MYO1E: variants seen among roughly 807,000 people sequenced by gnomAD.
MYO1E encodes the protein unconventional myosin-Ie.
A neutral mutation model predicts 151.1 loss-of-function variants in MYO1E; 68 were observed. The observed-to-expected ratio is 0.45, with a 90% CI of 0.37 to 0.55. MYO1E has a LOEUF of 0.55. Ranked by LOEUF, MYO1E falls within the 20% of genes least tolerant of loss-of-function variation. The pLI is 0.00. For missense variants in MYO1E, 1,363 were observed against 1,389.3 expected (o/e 0.98, Z 0.30); for synonymous variants, 601 against 501.7 (o/e 1.20, Z -2.64).
At chr15:59,343,523 C>G (rs2080777237) in intron 1 of MYO1E, among the ~76,000 whole-genome samples, 1 of 152,016 alleles carries the variant, frequency 6.6e-6, no homozygotes, top group African/African-American at 2.4e-5. Flanking sequence ...TGTTCTATAA[C>G]CTTCTTGTAC....
In MYO1E at chr15:59,356,083, G is replaced by A. The variant is rs535734346; in HGVS notation, c.3+16415C>T. Among the ~76,000 whole-genome samples the A allele has an allele frequency of 2.7e-4, 41 of 152,306 alleles. No homozygotes were observed. The South Asian group carries it at 8.3e-3, about 31-fold the overall frequency. Reference sequence around the variant, plus strand: ...ACTGGCAACATATACAACAGATTCTGTTTTCTAGGAGAACTACCTTTTGTT... The same window carrying A: ...ACTGGCAACATATACAACAGATTCTATTTTCTAGGAGAACTACCTTTTGTT... On this transcript the variant is annotated intron_variant, in intron 1 of 27. Coordinates refer to ENST00000288235, the MANE Select transcript of MYO1E (RefSeq NM_004998.4).
chr15:59,209,114 G>A (rs2140339193), intron 13 of MYO1E: 1 of 515,812 alleles, frequency 1.9e-6, no homozygotes, highest in East Asian at 3.4e-5. Flanking sequence ...ATCATTATCT[G>A]CTCACTCATA....
intron 1 of MYO1E, among the ~76,000 whole-genome samples, chr15:59,324,586 G>T (rs1409219792): frequency 6.6e-6 from 1 of 151,926 alleles, no homozygotes; most frequent in African/African-American, 2.4e-5. Flanking sequence ...AGCTCCTCAA[G>T]TTCAAGGTGA....
At chr15:59,298,360 G>T (rs2080463267) in intron 1 of MYO1E, among the ~76,000 whole-genome samples, 1 of 152,190 alleles carries the variant, frequency 6.6e-6, no homozygotes, top group South Asian at 2.1e-4. Flanking sequence ...TTCCAGAGAG[G>T]CTGAGGTTGC....
At chr15:59,372,321 T>C (rs2140448728) in intron 1 of MYO1E, among the ~76,000 whole-genome samples, 177 bp downstream of exon 1, 1 of 152,192 alleles carries the variant, frequency 6.6e-6, no homozygotes, top group Middle Eastern at 3.4e-3. Context: ...TCGCTCGCTC[T>C]CCCCCGGCCC....
At chr15:59,262,366 C>T (rs1470840647) in intron 2 of MYO1E, among the ~76,000 whole-genome samples, 1 of 152,086 alleles carries the variant, frequency 6.6e-6, no homozygotes, top group Non-Finnish European at 1.5e-5. Context: ...GTCTGTACTC[C>T]CAGCATGTTA....
At chr15:59,153,480 C>G (rs2079492859) in intron 26 of MYO1E, 110 bp downstream of exon 26, 1 of 1,273,860 alleles carries the variant, frequency 7.9e-7, no homozygotes, top group Non-Finnish European at 1.1e-6. Context: ...AGGTGGAAAA[C>G]TAAACCTTAG....
intron 1 of MYO1E, among the ~76,000 whole-genome samples, chr15:59,310,177 G>C (rs1017886): frequency 1 from 151,598 of 152,260 alleles, 75,472 homozygotes; most frequent in Middle Eastern, 1. Flanking sequence ...TAGCGCTCAC[G>C]AAGAACACAT....
chr15:59,331,889 T>C (rs867435490), intron 1 of MYO1E, among the ~76,000 whole-genome samples: 26 of 152,226 alleles, frequency 1.7e-4, no homozygotes, highest in African/African-American at 5.5e-4. Context: ...CATGCAGCTC[T>C]CTTTTATTAT....
intron 1 of MYO1E, among the ~76,000 whole-genome samples, chr15:59,283,095 G>T (rs1163129644): frequency 6.6e-6 from 1 of 150,626 alleles, no homozygotes; most frequent in Non-Finnish European, 1.5e-5. Context: ...AGGGAGACGG[G>T]CGGTCAGAGG....
At chr15:59,322,724 T>C (rs972544506) in intron 1 of MYO1E, among the ~76,000 whole-genome samples, 2 of 152,168 alleles carry the variant, frequency 1.3e-5, no homozygotes, top group South Asian at 2.1e-4. Context: ...AAAAAGCACA[T>C]TGGGAAAAAG....
chr15:59,231,144 T>A (rs2080025159), intron 6 of MYO1E, among the ~76,000 whole-genome samples: 2 of 152,162 alleles, frequency 1.3e-5, no homozygotes, highest in South Asian at 4.1e-4. Flanking sequence ...GTCCAGTCAC[T>A]TTGGGATGTC....
At chr15:59,215,440 A>G (rs1465460129) in intron 10 of MYO1E, among the ~76,000 whole-genome samples, 2 of 152,170 alleles carry the variant, frequency 1.3e-5, no homozygotes, top group Admixed American at 6.5e-5. Flanking sequence ...CTGGGACTAA[A>G]TTTAAGCAGT....
chr15:59,196,126 T>A lies in MYO1E; in HGVS notation c.1699-559A>T, dbSNP rs532996101. On this transcript the variant is annotated intron_variant, in intron 16 of 27. Coordinates refer to ENST00000288235, the MANE Select transcript of MYO1E (RefSeq NM_004998.4). Reference sequence around the variant, plus strand: ...AAAAATCTGAGAATTTATAAACTTTTGATATTCCATTTCATTCAGTTTCTT... The same window carrying A: ...AAAAATCTGAGAATTTATAAACTTTAGATATTCCATTTCATTCAGTTTCTT... Among the ~76,000 whole-genome samples, 6 of 152,330 alleles carry A rather than the reference T, an allele frequency of 3.9e-5. No homozygotes were observed. The South Asian group carries it at 6.2e-4, about 16-fold the overall frequency.
In MYO1E at chr15:59,132,818, G is replaced by A. The variant is rs1176790449; in HGVS notation, c.*4562C>T. On this transcript the variant is annotated 3_prime_UTR_variant, in exon 28 of 28. Coordinates refer to ENST00000288235, the MANE Select transcript of MYO1E (RefSeq NM_004998.4). The stretch of plus-strand genomic sequence containing the variant: ...TTAGTATAGCTTCTAGTGTGAAGAA[G>A]ATACTTGAACATAGCTGTTAATTAT... The A allele has an allele frequency of 2.0e-5, 3 of 152,340 alleles. No homozygotes were observed. Among genetic ancestry groups the A allele is most frequent in the Non-Finnish European group, 2.9e-5 (2 of 68,038 alleles). The allele number at this position is 152,340 out of a possible 1,614,324, so 9.4% of individuals were successfully genotyped here.
chr15:59,149,574 T>A (rs1361918223), intron 26 of MYO1E, among the ~76,000 whole-genome samples: 1 of 152,246 alleles, frequency 6.6e-6, no homozygotes, highest in African/African-American at 2.4e-5. Context: ...GTTGGGATGG[T>A]AATTAATTTA....
intron 1 of MYO1E, among the ~76,000 whole-genome samples, chr15:59,290,983 G>A (rs2080415357): frequency 6.6e-6 from 1 of 152,164 alleles, no homozygotes; most frequent in South Asian, 2.1e-4. Flanking sequence ...AAAAGAGTGT[G>A]CTCACACAAT....
intron 5 of MYO1E, among the ~76,000 whole-genome samples, chr15:59,234,849 C>T (rs1302508600): frequency 2.0e-5 from 3 of 148,864 alleles, no homozygotes; most frequent in Non-Finnish European, 4.4e-5. Flanking sequence ...AAAAGGGAAC[C>T]ACAATAAAGA....
chr15:59,238,981 G>A (rs997736476), intron 4 of MYO1E, among the ~76,000 whole-genome samples: 5 of 151,472 alleles, frequency 3.3e-5, no homozygotes, highest in South Asian at 2.1e-4. Context: ...CAAGGTGGAC[G>A]GATCATTTGA....
Sources: gnomAD v4.1 joint callset for allele counts (sites outside exome capture counted in the v4.1 genomes callset) on GRCh38, gnomAD v4.1.1 for gene constraint, MANE v1.5 for transcripts, NCBI Gene and HGNC (gene_info 2026-07-23, HGNC 2026-07-21) for gene names.